Variants in RAPGEF6 observed in about 807,000 individuals in gnomAD.
The protein encoded by RAPGEF6 is Rap guanine nucleotide exchange factor 6.
In RAPGEF6, 56 loss-of-function variants were observed where a neutral mutation model predicts 171.4. That is an observed-to-expected ratio of 0.33 (90% CI 0.26 to 0.41). RAPGEF6 has a LOEUF of 0.41. Ranked by LOEUF, RAPGEF6 falls within the 10% of genes least tolerant of loss-of-function variation. The pLI, the probability that RAPGEF6 is intolerant of heterozygous loss-of-function variation, is 1.00. For missense variants in RAPGEF6, 1,674 were observed against 1,921.4 expected (o/e 0.87, Z 2.41); for synonymous variants, 692 against 650.1 (o/e 1.06, Z -0.98).
chr5:131,520,165 A>G (rs1290849609), intron 7 of RAPGEF6, among the ~76,000 whole-genome samples: 2 of 152,212 alleles, frequency 1.3e-5, no homozygotes, highest in Non-Finnish European at 2.9e-5. Context: ...TTTTCCTAAA[A>G]TATCTCAATC....
At chr5:131,430,631 A>G (rs1023304090) in intron 26 of RAPGEF6, 3 of 666,694 alleles carry the variant, frequency 4.5e-6, no homozygotes, top group East Asian at 6.1e-5. Flanking sequence ...TTGTCCCTCT[A>G]ATTAAATACC....
At chr5:131,510,616 T>C (rs1357152359) in intron 7 of RAPGEF6, 125 bp from the exon 8 acceptor site, 1 of 787,674 alleles carries the variant, frequency 1.3e-6, no homozygotes, top group Non-Finnish European at 2.0e-6. Flanking sequence ...GGATGCTGCA[T>C]CAAGAATACA....
chr5:131,634,759 G>A (rs182353882), intron 1 of RAPGEF6, among the ~76,000 whole-genome samples: 3 of 152,326 alleles, frequency 2.0e-5, no homozygotes, highest in Admixed American at 1.3e-4. Context: ...CGGGTACGCG[G>A]GTTAAGACCG....
chr5:131,622,858 T>C (rs1765674538), intron 1 of RAPGEF6, among the ~76,000 whole-genome samples: 1 of 152,184 alleles, frequency 6.6e-6, no homozygotes, highest in Non-Finnish European at 1.5e-5. Context: ...CAACCAGGGA[T>C]GTGCACAGTG....
chr5:131,583,649 G>C (rs1440791567), intron 4 of RAPGEF6, among the ~76,000 whole-genome samples: 1 of 152,094 alleles, frequency 6.6e-6, no homozygotes, highest in African/African-American at 2.4e-5. Flanking sequence ...ATACTGATTT[G>C]TGTCTTTGCC....
chr5:131,588,919 A>C (rs1763424999), intron 4 of RAPGEF6, among the ~76,000 whole-genome samples: 1 of 151,832 alleles, frequency 6.6e-6, no homozygotes, highest in Non-Finnish European at 1.5e-5. Flanking sequence ...AAAGTATAAA[A>C]ATTAGCCGGG....
chr5:131,443,666 G>A (rs1752517567), intron 22 of RAPGEF6, among the ~76,000 whole-genome samples: 2 of 152,092 alleles, frequency 1.3e-5, no homozygotes, highest in Non-Finnish European at 2.9e-5. Context: ...GCATCAGCCT[G>A]CTCCCTTGAC....
intron 4 of RAPGEF6, among the ~76,000 whole-genome samples, chr5:131,565,530 T>C (rs1003088675): frequency 6.6e-6 from 1 of 152,176 alleles, no homozygotes; most frequent in African/African-American, 2.4e-5. Flanking sequence ...GTAAAGAGCC[T>C]AAAATAGCTA....
At chr5:131,562,434 A>T (rs1367548168) in intron 4 of RAPGEF6, among the ~76,000 whole-genome samples, 2 of 152,192 alleles carry the variant, frequency 1.3e-5, no homozygotes, top group African/African-American at 4.8e-5. Context: ...AATAAAAGTA[A>T]ATTATTATAA....
At chr5:131,615,492 G>A (rs1173426186) in intron 1 of RAPGEF6, among the ~76,000 whole-genome samples, 2 of 152,184 alleles carry the variant, frequency 1.3e-5, no homozygotes, top group Non-Finnish European at 2.9e-5. Flanking sequence ...CCCTGACAGA[G>A]TCAGACTGGA....
intron 7 of RAPGEF6, among the ~76,000 whole-genome samples, chr5:131,511,478 C>CAT (rs1757717778): frequency 8.9e-6 from 1 of 111,848 alleles, no homozygotes; most frequent in African/African-American, 3.2e-5. Flanking sequence ...CCAAAAAGAT[C>CAT]ATCTTTTTTT....
At chr5:131,608,394 A>G (rs1193159420) in intron 1 of RAPGEF6, among the ~76,000 whole-genome samples, 1 of 152,206 alleles carries the variant, frequency 6.6e-6, no homozygotes, top group African/African-American at 2.4e-5. Context: ...AGGTCTTCCT[A>G]AGGACAGCAG....
At chr5:131,509,486 T>C (rs1490067540) in intron 8 of RAPGEF6, among the ~76,000 whole-genome samples, 5 of 151,412 alleles carry the variant, frequency 3.3e-5, no homozygotes, top group African/African-American at 1.2e-4. Flanking sequence ...GAGCTTGCAG[T>C]GAGCCAAGAT....
At chr5:131,621,731 C>T (rs563489782) in intron 1 of RAPGEF6, among the ~76,000 whole-genome samples, 38 of 152,146 alleles carry the variant, frequency 2.5e-4, no homozygotes, top group African/African-American at 9.2e-4. Flanking sequence ...ACAGGCACAA[C>T]GATCATGGGC....
intron 6 of RAPGEF6, among the ~76,000 whole-genome samples, chr5:131,533,232 A>C (rs1759527425): frequency 6.6e-6 from 1 of 150,682 alleles, no homozygotes; most frequent in Admixed American, 6.6e-5. Context: ...CCTTTCCATG[A>C]GACACGTCAG....
At chr5:131,600,217 T>C (rs893617515) in intron 3 of RAPGEF6, among the ~76,000 whole-genome samples, 1 of 152,212 alleles carries the variant, frequency 6.6e-6, no homozygotes, top group Non-Finnish European at 1.5e-5. Context: ...CTCATAAATG[T>C]TAATTGTGTT....
chr5:131,631,344 T>C (rs1196040986), intron 1 of RAPGEF6, among the ~76,000 whole-genome samples: 1 of 152,226 alleles, frequency 6.6e-6, no homozygotes, highest in East Asian at 1.9e-4. Context: ...CCCATCTCGC[T>C]GATGGCAGCT....
intron 1 of RAPGEF6, among the ~76,000 whole-genome samples, chr5:131,626,903 T>C (rs1474860659): frequency 6.6e-6 from 1 of 152,182 alleles, no homozygotes; most frequent in East Asian, 1.9e-4. Flanking sequence ...ATTGTTAATC[T>C]ATACCTAGGA....
At chr5:131,481,770 T>G (rs1053554637) in intron 15 of RAPGEF6, among the ~76,000 whole-genome samples, 17 of 152,232 alleles carry the variant, frequency 1.1e-4, no homozygotes, top group African/African-American at 4.1e-4. Context: ...AAACAGTGGT[T>G]GCATATTCTT....
Sources: allele counts gnomAD v4.1 joint callset (sites outside exome capture counted in the v4.1 genomes callset), GRCh38; gene constraint gnomAD v4.1.1; transcripts MANE v1.5; gene names NCBI Gene and HGNC (gene_info 2026-07-23, HGNC 2026-07-21).